Variants in IQGAP1 observed in about 807,000 individuals in gnomAD.
IQGAP1 encodes the protein ras GTPase-activating-like protein IQGAP1.
In IQGAP1, 66 loss-of-function variants were observed where a neutral mutation model predicts 215.6. The observed-to-expected ratio is 0.31, with a 90% CI of 0.25 to 0.38. The LOEUF (loss-of-function observed/expected upper bound fraction) is 0.38, where lower values mean the gene tolerates loss of function less well. Among genes scored for constraint, IQGAP1 ranks in the 10% least tolerant of loss-of-function variants. IQGAP1 has a pLI of 1.00. For missense variants in IQGAP1, 1,712 were observed against 1,997.1 expected, an observed-to-expected ratio of 0.86 and a Z score of 2.72; for synonymous variants, 772 against 728.7, an observed-to-expected ratio of 1.06 and a Z score of -0.96.
At position 90,491,327 on chromosome 15, in the gene IQGAP1, C is replaced by T; in HGVS notation, c.4249-6C>T. ...CTTGCTAAGAACTTCTTTTTCCCAT[C>T]CGTAGGAAGCAGAACATCAGAGAGC... On this transcript the variant is annotated splice_polypyrimidine_tract_variant and splice_region_variant and intron_variant, in intron 33 of 37. Coordinates refer to ENST00000268182, the MANE Select transcript of IQGAP1 (RefSeq NM_003870.4). The T allele has an allele frequency of 1.9e-6, 3 of 1,611,774 alleles. No homozygotes were observed. The highest frequency in any genetic ancestry group is 2.5e-6 in the Non-Finnish European group (3 of 1,178,712).
At chr15:90,466,580 A>C (rs1965834694) in intron 17 of IQGAP1, 144 bp downstream of exon 17, 3 of 788,104 alleles carry the variant, frequency 3.8e-6, no homozygotes, top group African/African-American at 1.8e-5. Context: ...AGGAGATAAA[A>C]TCCCTATTTT....
chr15:90,415,149 A>G (rs887382774), intron 2 of IQGAP1, among the ~76,000 whole-genome samples: 1 of 152,214 alleles, frequency 6.6e-6, no homozygotes, highest in Non-Finnish European at 1.5e-5. Context: ...TGATATTGTT[A>G]CTTTACTTTG....
rs1350538822 is a variant in IQGAP1, at chr15:90,405,925, ATAGT to A, written c.155+15058_155+15061del. On this transcript the variant is annotated intron_variant, in intron 2 of 37. Coordinates refer to ENST00000268182, the MANE Select transcript of IQGAP1 (RefSeq NM_003870.4). ...CTTCTCAGCTATTTTGTGTTTTATG[ATAGT>A]TAGTTTACATTCTCCGTTGAGTTAT... 5.9e-5 allele frequency among the ~76,000 whole-genome samples: 9 copies of A among 152,030 alleles called. No individual in the cohort carries two copies. In the South Asian group the frequency reaches 6.2e-4, roughly 11 times the overall value.
chr15:90,474,204 A>G (rs913630391), intron 22 of IQGAP1, 71 bp downstream of exon 22: 2 of 1,351,926 alleles, frequency 1.5e-6, no homozygotes, highest in African/African-American at 2.9e-5. Context: ...TATTCTCCAC[A>G]GACCTCTTTT....
At chr15:90,440,388 C>T (rs1965431610) in intron 6 of IQGAP1, 114 bp from the exon 7 acceptor site, 2 of 700,812 alleles carry the variant, frequency 2.9e-6, no homozygotes, top group Non-Finnish European at 5.0e-6. Context: ...CCTTATAAAA[C>T]CCTAAAAGGT....
At chr15:90,390,415 C>T (rs751048160) in intron 1 of IQGAP1, among the ~76,000 whole-genome samples, 34 of 152,208 alleles carry the variant, frequency 2.2e-4, no homozygotes, top group Admixed American at 2.2e-3. Flanking sequence ...GTCTCAATAA[C>T]TGCTGGCTTT....
Position 90,474,505 on chromosome 15 carries a change from A to G in IQGAP1, c.2596A>G (p.Met866Val), listed in dbSNP as rs766891633. The G allele has an allele frequency of 2.0e-5, 32 of 1,613,856 alleles. No individual in the cohort carries two copies. In the South Asian group the frequency reaches 2.5e-4, roughly 13 times the overall value. Residue 866 changes from methionine to valine, a missense_variant, in exon 23 of 38, where the codon ATG (methionine) becomes GTG (valine). By Grantham distance (21) the Met-to-Val change is conservative. Transcript: ENST00000268182. The part of the protein sequence containing the change: ...KTLINAEDPP[M>V]VVVRKFVHLL... ...GTCAGTCAATGCTGAGGATCCTCCT[A>G]TGGTTGTGGTCCGAAAATTTGTCCA...
intron 2 of IQGAP1, among the ~76,000 whole-genome samples, chr15:90,402,806 A>T (rs972180127): frequency 1.3e-5 from 2 of 152,212 alleles, no homozygotes; most frequent in African/African-American, 4.8e-5. Context: ...ACTTACAATC[A>T]TTAAAAATAG....
At chr15:90,499,717 G>A (rs1364437038) in intron 37 of IQGAP1, among the ~76,000 whole-genome samples, 1 of 152,188 alleles carries the variant, frequency 6.6e-6, no homozygotes, top group Non-Finnish European at 1.5e-5. Flanking sequence ...TTCTTTCCAT[G>A]TATGATGAAT....
chr15:90,437,733 T>C (rs1965389784), intron 5 of IQGAP1, among the ~76,000 whole-genome samples: 1 of 152,062 alleles, frequency 6.6e-6, no homozygotes, highest in Admixed American at 6.6e-5. Context: ...TAGAGACAAG[T>C]CTTGCTATGT....
At chr15:90,400,871 C>T (rs568332848) in intron 2 of IQGAP1, among the ~76,000 whole-genome samples, 1 of 152,346 alleles carries the variant, frequency 6.6e-6, no homozygotes, top group South Asian at 2.1e-4. Flanking sequence ...CACAGTGTCA[C>T]ATCTGGGGAT....
At chr15:90,445,956 C>T (rs1317931750) in intron 9 of IQGAP1, among the ~76,000 whole-genome samples, 7 of 151,994 alleles carry the variant, frequency 4.6e-5, no homozygotes, top group Non-Finnish European at 8.8e-5. Context: ...CCTCAGCCTC[C>T]TGAGTGGATG....
chr15:90,465,463 T>C (rs1469918836), intron 15 of IQGAP1, among the ~76,000 whole-genome samples: 1 of 152,224 alleles, frequency 6.6e-6, no homozygotes, highest in Non-Finnish European at 1.5e-5. Context: ...TTCATCTTTA[T>C]ATAATCTTCA....
In IQGAP1 at chr15:90,500,705, A is replaced by C. The variant is rs1966329533; in HGVS notation, c.*597A>C. 1 of 152,280 alleles carries C rather than the reference A, an allele frequency of 6.6e-6. No homozygotes were observed. The allele number at this position is 152,280 out of a possible 1,614,324, so 9.4% of individuals were successfully genotyped here. A position where few individuals can be genotyped will look rare whatever the true frequency, so the allele number is the denominator to read the frequency against. Reference sequence around the variant, plus strand: ...GGAAGTGACAGTCATGTTCAAAGGAAGCATTTCTAGAAAAAAGGAGATAAT... The same window carrying C: ...GGAAGTGACAGTCATGTTCAAAGGACGCATTTCTAGAAAAAAGGAGATAAT... On this transcript the variant is annotated 3_prime_UTR_variant, in exon 38 of 38. Coordinates refer to ENST00000268182, the MANE Select transcript of IQGAP1 (RefSeq NM_003870.4).
At position 90,448,725 on chromosome 15, in the gene IQGAP1, C is replaced by A. The variant is rs1729494471; in HGVS notation, c.1066C>A (p.Gln356Lys). 10 of 1,588,268 alleles carry A rather than the reference C, an allele frequency of 6.3e-6. No individual in the cohort carries two copies. The highest frequency in any genetic ancestry group is 7.7e-6 in the Non-Finnish European group (9 of 1,168,950). The change falls in exon 10 of 38, where the codon CAG (glutamine) becomes AAG (lysine). Residue 356 changes from glutamine to lysine, a missense_variant. Transcript: ENST00000268182. Reference protein sequence around the residue: ...YLKQLLSDKQQKRQSGQTDPL... With the variant: ...YLKQLLSDKQKKRQSGQTDPL... ...GAAGCAGCTCCTGAGTGATAAACAGCAGAAGAGACAGGTAAACATAGTCTG... is the reference window on the plus strand; with the variant it reads ...GAAGCAGCTCCTGAGTGATAAACAGAAGAAGAGACAGGTAAACATAGTCTG...
At chr15:90,449,082 A>C (rs1323726819) in intron 10 of IQGAP1, among the ~76,000 whole-genome samples, 2 of 152,184 alleles carry the variant, frequency 1.3e-5, no homozygotes, top group South Asian at 2.1e-4. Context: ...TTAAAAAAAA[A>C]CTGCACCTTA....
chr15:90,445,077 G>A (rs941531832), intron 9 of IQGAP1, among the ~76,000 whole-genome samples: 6 of 151,944 alleles, frequency 3.9e-5, no homozygotes, highest in Non-Finnish European at 5.9e-5. Flanking sequence ...AGCTGTGTTC[G>A]CACCACTGCA....
At chr15:90,495,674 C>G (rs1489159404) in intron 36 of IQGAP1, among the ~76,000 whole-genome samples, 9 of 140,460 alleles carry the variant, frequency 6.4e-5, no homozygotes, top group Non-Finnish European at 1.2e-4. Context: ...CACGGAGTCT[C>G]TCTGTCACCC....
rs1179312179 is a variant in IQGAP1 at position 90,453,204 on chromosome 15, T to G, written c.1399T>G (p.Leu467Val). The change falls in exon 13 of 38, where the codon TTG becomes GTG. Residue 467 changes from leucine to valine, a missense_variant. By Grantham distance (32) the Leu-to-Val change is conservative (BLOSUM62 1). This residue lies in a region of IQGAP1 where 1,021 missense variants were observed against 1,074.2 expected (regional missense o/e 0.95). Transcript: ENST00000268182. Reference protein sequence around the residue: ...LSSVALINRALESGDVNTVWK... With the variant: ...LSSVALINRAVESGDVNTVWK... ...ATCGGTGGCCCTGATCAACAGGGCATTGGAATCAGGAGATGTGAATACAGT... is the reference window on the plus strand; with the variant it reads ...ATCGGTGGCCCTGATCAACAGGGCAGTGGAATCAGGAGATGTGAATACAGT... 6.2e-7 allele frequency: 1 copy of G among 1,613,982 alleles called. No homozygotes were observed. The highest frequency in any genetic ancestry group is 1.1e-5 in the South Asian group (1 of 91,062).
Sources: gnomAD v4.1 joint callset for allele counts (sites outside exome capture counted in the v4.1 genomes callset) on GRCh38, gnomAD v4.1.1 for gene constraint, gnomAD v4.1.1 regional missense constraint, MANE v1.5 for transcripts, NCBI Gene and HGNC (gene_info 2026-07-23, HGNC 2026-07-21) for gene names.